Variants in MGAT4C observed in about 807,000 individuals in gnomAD.
MGAT4C encodes MGAT4 family member C.
A neutral mutation model predicts 40.1 loss-of-function variants in MGAT4C; 19 were observed. The ratio of observed to expected loss-of-function variants is 0.47; its 90% CI spans 0.33 to 0.70. The LOEUF (loss-of-function observed/expected upper bound fraction) is 0.70. MGAT4C is among the 30% of genes least tolerant of loss of function. The pLI, the probability that MGAT4C is intolerant of heterozygous loss-of-function variation, is 0.02. For synonymous variants in MGAT4C, 181 were observed against 187.1 expected (o/e 0.97, Z 0.27); for missense variants, 491 against 563.2 (o/e 0.87, Z 1.30).
intron 1 of MGAT4C, among the ~76,000 whole-genome samples, chr12:86,838,155 CTT>C (rs1860543232): frequency 6.6e-6 from 1 of 152,034 alleles, no homozygotes; most frequent in African/African-American, 2.4e-5. Flanking sequence ...ATCAAAAAGA[CTT>C]ATACTGAAGT....
At chr12:86,724,149 T>A (rs1156929734) in intron 2 of MGAT4C, among the ~76,000 whole-genome samples, 1 of 152,202 alleles carries the variant, frequency 6.6e-6, no homozygotes, top group Non-Finnish European at 1.5e-5. Context: ...CTTTTAAGTA[T>A]GAAATGTTGC....
At chr12:86,346,431 G>T (rs967033455) in intron 3 of MGAT4C, among the ~76,000 whole-genome samples, 3 of 151,962 alleles carry the variant, frequency 2.0e-5, no homozygotes, top group African/African-American at 7.3e-5. Context: ...CACTATGTTG[G>T]CCAGGCTGGT....
At chr12:86,143,702 C>T (rs755242235) in intron 1 of MGAT4C, among the ~76,000 whole-genome samples, 3 of 151,786 alleles carry the variant, frequency 2.0e-5, no homozygotes, top group Non-Finnish European at 4.4e-5. Flanking sequence ...CAGGATATTC[C>T]GATAAAACAC....
intron 1 of MGAT4C, among the ~76,000 whole-genome samples, chr12:86,113,663 C>A (rs863940): frequency 0.57 from 86,783 of 151,548 alleles, 25,146 homozygotes; most frequent in South Asian, 0.72. Flanking sequence ...AGTAGAAAAA[C>A]TAGATGTATC....
chr12:85,970,688 T>A lies in MGAT4C; in HGVS notation c.*8601A>T, dbSNP rs1466239102. The A allele has an allele frequency of 6.6e-6, 1 of 151,278 alleles. No homozygotes were observed. The highest frequency in any genetic ancestry group is 1.5e-5 in the Non-Finnish European group (1 of 67,364). 9.4% of individuals were successfully genotyped at this position (151,278 alleles called of 1,614,324 possible). Reference sequence around the variant, plus strand: ...TTAGACTATTACAAATTCACAGTGCTTGTACAATTCAGATATTATTTTGCT... The same window carrying A: ...TTAGACTATTACAAATTCACAGTGCATGTACAATTCAGATATTATTTTGCT... On this transcript the variant is annotated 3_prime_UTR_variant, in exon 5 of 5. Transcript: ENST00000611864.
intron 4 of MGAT4C, among the ~76,000 whole-genome samples, chr12:86,285,380 C>T (rs1340315878): frequency 2.0e-5 from 3 of 151,974 alleles, no homozygotes; most frequent in Admixed American, 6.6e-5. Context: ...CAGTGTGTAG[C>T]ATTGTGCTTT....
intron 2 of MGAT4C, among the ~76,000 whole-genome samples, chr12:86,630,761 TAAG>T (rs1404836279): frequency 6.6e-6 from 1 of 152,090 alleles, no homozygotes; most frequent in African/African-American, 2.4e-5. Flanking sequence ...CTCAAAATAA[TAAG>T]AACTGCTTAT....
At chr12:86,548,721 A>G (rs1353373072) in intron 2 of MGAT4C, among the ~76,000 whole-genome samples, 1 of 152,168 alleles carries the variant, frequency 6.6e-6, no homozygotes, top group Admixed American at 6.5e-5. Context: ...TGAGAAATGT[A>G]CATGATTACT....
intron 1 of MGAT4C, among the ~76,000 whole-genome samples, chr12:86,746,585 T>C (rs944392656): frequency 6.6e-6 from 1 of 151,718 alleles, no homozygotes; most frequent in African/African-American, 2.4e-5. Context: ...TATTATTCAC[T>C]GAAATACTAA....
At chr12:86,835,633 G>C (rs533102574) in intron 1 of MGAT4C, among the ~76,000 whole-genome samples, 1 of 152,070 alleles carries the variant, frequency 6.6e-6, no homozygotes, top group South Asian at 2.1e-4. Context: ...AGTTCTCTCT[G>C]CTTTCTCTGG....
At chr12:86,367,419 A>AC (rs1238571354) in intron 3 of MGAT4C, among the ~76,000 whole-genome samples, 3 of 152,152 alleles carry the variant, frequency 2.0e-5, no homozygotes, top group Non-Finnish European at 4.4e-5. Flanking sequence ...TTGGGAACAC[A>AC]CAACTCTCCC....
chr12:86,108,128 C>T (rs1470147094), intron 1 of MGAT4C, among the ~76,000 whole-genome samples: 1 of 152,022 alleles, frequency 6.6e-6, no homozygotes, highest in African/African-American at 2.4e-5. Flanking sequence ...GAACAAACTG[C>T]CTTGTGGCCA....
rs1224411623 is a variant in MGAT4C, at chr12:86,451,697, G to C, written c.-228-16432C>G. 3.9e-5 allele frequency among the ~76,000 whole-genome samples: 6 copies of C among 152,114 alleles called. No individual in the cohort carries two copies. In the East Asian group the frequency reaches 1.2e-3, roughly 29 times the overall value. On this transcript the variant is annotated intron_variant, in intron 2 of 7. Transcript: ENST00000548651. Reference sequence around the variant, plus strand: ...ATACAGGTCCCATTTTATGGTCTCTGTTCTTCAAGATGGATAGTCTTTGAT... The same window carrying C: ...ATACAGGTCCCATTTTATGGTCTCTCTTCTTCAAGATGGATAGTCTTTGAT...
At chr12:86,188,350 G>GTA (rs1427355551) in intron 1 of MGAT4C, among the ~76,000 whole-genome samples, 2 of 151,934 alleles carry the variant, frequency 1.3e-5, no homozygotes, top group African/African-American at 4.8e-5. Flanking sequence ...TCCCTCAGGA[G>GTA]TATAAACATT....
At chr12:86,607,188 GAA>G (rs1305984777) in intron 2 of MGAT4C, among the ~76,000 whole-genome samples, 3 of 151,832 alleles carry the variant, frequency 2.0e-5, no homozygotes, top group African/African-American at 7.3e-5. Context: ...AAAAAACACT[GAA>G]ATTAAAATTC....
chr12:86,281,914 A>G (rs1471394389), intron 4 of MGAT4C, among the ~76,000 whole-genome samples: 4 of 152,016 alleles, frequency 2.6e-5, no homozygotes, highest in Admixed American at 1.3e-4. Context: ...GCCTTTAGTG[A>G]CTTCATTTTA....
chr12:86,720,155 A>C (rs1394875065), intron 2 of MGAT4C, among the ~76,000 whole-genome samples: 1 of 152,154 alleles, frequency 6.6e-6, no homozygotes, highest in Non-Finnish European at 1.5e-5. Context: ...ATTTTCTCTA[A>C]ATATGACTTA....
At chr12:86,252,139 C>T (rs904260663) in intron 1 of MGAT4C, among the ~76,000 whole-genome samples, 1 of 151,952 alleles carries the variant, frequency 6.6e-6, no homozygotes, top group Admixed American at 6.6e-5. Context: ...TTTATTAACC[C>T]CTGAAAAGGG....
At chr12:86,728,365 A>G (rs757315044) in intron 1 of MGAT4C, among the ~76,000 whole-genome samples, 1 of 152,128 alleles carries the variant, frequency 6.6e-6, no homozygotes, top group Non-Finnish European at 1.5e-5. Flanking sequence ...TTAAAGAAAA[A>G]CACAAAGATA....
Sources: allele counts gnomAD v4.1 joint callset (sites outside exome capture counted in the v4.1 genomes callset), GRCh38; gene constraint gnomAD v4.1.1; transcripts MANE v1.5; gene names NCBI Gene and HGNC (gene_info 2026-07-23, HGNC 2026-07-21).